The following KCNH1 variants were observed in gnomAD, a reference collection of about 807,000 sequenced individuals.
KCNH1 encodes voltage-gated delayed rectifier potassium channel KCNH1.
A neutral mutation model predicts 69.2 loss-of-function variants in KCNH1; 27 were observed. The ratio of observed to expected loss-of-function variants is 0.39; its 90% confidence interval spans 0.29 to 0.54. The LOEUF (loss-of-function observed/expected upper bound fraction) is 0.54. Ranked by LOEUF, KCNH1 falls within the 20% of genes least tolerant of loss-of-function variation. The pLI, the probability that KCNH1 is intolerant of heterozygous loss-of-function variation, is 0.68. For missense variants in KCNH1, 798 were observed against 1,261.6 expected (o/e 0.63, Z 5.57); for synonymous variants, 456 against 487.7 (o/e 0.93, Z 0.86).
At chr1:211,070,429 AAAC>A (rs1247970122) in intron 5 of KCNH1, among the ~76,000 whole-genome samples, 15 of 131,242 alleles carry the variant, frequency 1.1e-4, no homozygotes, top group Admixed American at 5.0e-4. Flanking sequence ...AAAAAAAAAA[AAAC>A]ACACACACAC....
chr1:211,041,025 T>C (rs187837401), intron 5 of KCNH1, among the ~76,000 whole-genome samples: 4 of 152,194 alleles, frequency 2.6e-5, no homozygotes, highest in Non-Finnish European at 5.9e-5. Flanking sequence ...GAATACAAAA[T>C]CAATTCATCA....
At chr1:210,736,435 C>T (rs1407334151) in intron 10 of KCNH1, among the ~76,000 whole-genome samples, 5 of 151,970 alleles carry the variant, frequency 3.3e-5, no homozygotes, top group Non-Finnish European at 7.4e-5. Flanking sequence ...GTAATCCCAG[C>T]TAGTCAGAGG....
intron 3 of KCNH1, among the ~76,000 whole-genome samples, chr1:211,093,568 G>C (rs1343524987): frequency 6.6e-6 from 1 of 152,204 alleles, no homozygotes; most frequent in Non-Finnish European, 1.5e-5. Context: ...TTACAGGCAT[G>C]AGCCACTGCA....
chr1:210,909,839 A>G (rs1323854588), intron 7 of KCNH1, among the ~76,000 whole-genome samples: 1 of 152,224 alleles, frequency 6.6e-6, no homozygotes, highest in Non-Finnish European at 1.5e-5. Context: ...TTTGATGCCA[A>G]CAAGCTGACC....
Position 210,682,903 on chromosome 1 carries a change from T to C in KCNH1, c.*378A>G, listed in dbSNP as rs1289214163. The C allele has an allele frequency of 8.1e-6, 2 of 246,120 alleles. No individual in the cohort carries two copies. The allele number at this position is 246,120 out of a possible 1,614,324, so 15.2% of individuals were successfully genotyped here. A position where few individuals can be genotyped will look rare whatever the true frequency, so the allele number is the denominator to read the frequency against. On this transcript the variant is annotated 3_prime_UTR_variant, in exon 11 of 11. Transcript: ENST00000271751. Reference sequence around the variant, plus strand: ...TGGCAAAGGAGCCCAGCATAGTATATACATGAGAGGTTCTCGGCACTTTCC... The same window carrying C: ...TGGCAAAGGAGCCCAGCATAGTATACACATGAGAGGTTCTCGGCACTTTCC...
At chr1:211,053,954 C>A (rs1690254711) in intron 5 of KCNH1, among the ~76,000 whole-genome samples, 1 of 152,080 alleles carries the variant, frequency 6.6e-6, no homozygotes, top group South Asian at 2.1e-4. Flanking sequence ...AAAATAACTA[C>A]ACAGAATTTC....
chr1:210,683,222 G>A lies in KCNH1; in HGVS notation c.*59C>T. 1 of 1,506,478 alleles carries A rather than the reference G, an allele frequency of 6.6e-7. No homozygotes were observed. 93.3% of individuals were successfully genotyped at this position (1,506,478 alleles called of 1,614,324 possible). A position where few individuals can be genotyped will look rare whatever the true frequency, so the allele number is the denominator to read the frequency against. On this transcript the variant is annotated 3_prime_UTR_variant, in exon 11 of 11. Coordinates refer to ENST00000271751, the MANE Select transcript of KCNH1 (RefSeq NM_172362.3). The surrounding 1 kb of genome is among the most constrained non-coding windows in gnomAD (Gnocchi z 5.7). Reference sequence around the variant, plus strand: ...GGTCATGTGGACATATGTGGTAGGGGTGGTGGTGACGGCAGGGTTGGAGGT... The same window carrying A: ...GGTCATGTGGACATATGTGGTAGGGATGGTGGTGACGGCAGGGTTGGAGGT...
At chr1:211,059,223 T>A (rs1690375493) in intron 5 of KCNH1, among the ~76,000 whole-genome samples, 1 of 148,324 alleles carries the variant, frequency 6.7e-6, no homozygotes, top group South Asian at 2.1e-4. Flanking sequence ...GAGGTTGCAG[T>A]GAGCTGAGAT....
At chr1:210,968,921 T>A (rs1225585404) in intron 6 of KCNH1, among the ~76,000 whole-genome samples, 4 of 152,160 alleles carry the variant, frequency 2.6e-5, no homozygotes, top group Non-Finnish European at 5.9e-5. Context: ...AGATTTTTAG[T>A]AGATATTCCT....
intron 4 of KCNH1, among the ~76,000 whole-genome samples, chr1:211,086,872 G>T (rs1372527191): frequency 6.6e-6 from 1 of 152,160 alleles, no homozygotes; most frequent in East Asian, 1.9e-4. Flanking sequence ...CAAACATCCA[G>T]CAAAGAACAG....
At chr1:211,119,494 A>G (rs553391888) in intron 1 of KCNH1, among the ~76,000 whole-genome samples, 38 of 152,374 alleles carry the variant, frequency 2.5e-4, no homozygotes, top group Middle Eastern at 3.4e-3. Context: ...CAAAGACCAG[A>G]AAACAATAGT....
chr1:211,000,961 T>C (rs1013776493), intron 6 of KCNH1, among the ~76,000 whole-genome samples: 1 of 152,070 alleles, frequency 6.6e-6, no homozygotes, highest in Non-Finnish European at 1.5e-5. Flanking sequence ...GCTAGCCATA[T>C]GTAGAAAGCT....
At chr1:210,755,701 A>G (rs9429850) in intron 10 of KCNH1, among the ~76,000 whole-genome samples, 4,408 of 152,214 alleles carry the variant, frequency 0.029, 229 homozygotes, top group African/African-American at 0.1. Flanking sequence ...TCTTCCTGAA[A>G]TCTCCAATTA....
intron 6 of KCNH1, among the ~76,000 whole-genome samples, chr1:210,946,870 C>T (rs1687967925): frequency 6.6e-6 from 1 of 152,186 alleles, no homozygotes; most frequent in African/African-American, 2.4e-5. Context: ...TTTCACCTAG[C>T]CAAGTCCCTA....
chr1:211,070,178 G>C (rs970201734), intron 5 of KCNH1, among the ~76,000 whole-genome samples: 16 of 152,044 alleles, frequency 1.1e-4, no homozygotes, highest in African/African-American at 3.6e-4. Flanking sequence ...CAGCACTTTG[G>C]GAGGCCGAGG....
chr1:210,717,677 G>A (rs1451829686), intron 10 of KCNH1, among the ~76,000 whole-genome samples: 3 of 152,186 alleles, frequency 2.0e-5, no homozygotes, highest in Admixed American at 6.5e-5. Context: ...TCTACAGACC[G>A]GATCTGAGGC....
intron 6 of KCNH1, among the ~76,000 whole-genome samples, chr1:210,940,930 A>G (rs1318579251): frequency 6.6e-6 from 1 of 152,240 alleles, no homozygotes; most frequent in African/African-American, 2.4e-5. Context: ...AATTTGCTTT[A>G]GGCTAATTTG....
chr1:211,068,549 C>T (rs11119675), intron 5 of KCNH1, among the ~76,000 whole-genome samples: 58,005 of 151,990 alleles, frequency 0.38, 11,716 homozygotes, highest in South Asian at 0.45. Flanking sequence ...GCACATGCCA[C>T]CATGCCCGGC....
At chr1:210,703,006 A>G (rs1429216786) in intron 10 of KCNH1, among the ~76,000 whole-genome samples, 1 of 152,160 alleles carries the variant, frequency 6.6e-6, no homozygotes, top group Non-Finnish European at 1.5e-5. Context: ...TGGAAAGTGA[A>G]GAAATAGATG....
Sources: allele counts gnomAD v4.1 joint callset (sites outside exome capture counted in the v4.1 genomes callset), GRCh38; gene constraint gnomAD v4.1.1; non-coding constraint Gnocchi (gnomAD v3.1); transcripts MANE v1.5; gene names NCBI Gene and HGNC (gene_info 2026-07-23, HGNC 2026-07-21).